The following FNBP1 variants were observed in gnomAD, a reference collection of about 807,000 sequenced individuals.
FNBP1 encodes formin-binding protein 1.
FNBP1 carries 26 observed loss-of-function variants against 90.6 expected under a neutral mutation model. The observed-to-expected ratio is 0.29, with a 90% CI of 0.21 to 0.40. The LOEUF is 0.40. FNBP1 is among the 10% of genes least tolerant of loss of function. The pLI, the probability that FNBP1 is intolerant of heterozygous loss-of-function variation, is 1.00. For synonymous variants in FNBP1, 260 were observed against 265.2 expected (o/e 0.98, Z 0.19); for missense variants, 635 against 768.0 (o/e 0.83, Z 2.05).
chr9:129,913,564 A>G (rs1003024064), intron 11 of FNBP1, among the ~76,000 whole-genome samples: 1 of 152,004 alleles, frequency 6.6e-6, no homozygotes, highest in African/African-American at 2.4e-5. Context: ...TGAGGTCAGG[A>G]GCTCGAGATT....
At chr9:129,915,900 C>T in intron 11 of FNBP1, 66 bp downstream of exon 11, 1 of 1,116,866 alleles carries the variant, frequency 9.0e-7, no homozygotes, top group East Asian at 2.3e-5. Flanking sequence ...CATGGCATAG[C>T]ATTCATAAAA....
In FNBP1 at chr9:130,042,744, C is replaced by T. The variant is rs1407146234; in HGVS notation, c.24+208G>A. 5.3e-5 allele frequency among the ~76,000 whole-genome samples: 8 copies of T among 151,778 alleles called. No individual in the cohort carries two copies. The highest frequency in any genetic ancestry group is 1.0e-4 in the Non-Finnish European group (7 of 67,888). On this transcript the variant is annotated intron_variant, in intron 1 of 16. Transcript: ENST00000446176. This position sits in a 1 kb window ranked among gnomAD's most constrained non-coding sequence, Gnocchi z 5.5. The stretch of plus-strand genomic sequence containing the variant: ...GCCGGGGACCCGCACCAACTCCCCT[C>T]GCCTCCGAAGGACAAGCCGGCCCGC...
rs551693772 is a variant in FNBP1 at position 129,966,037 on chromosome 9, G to C, written c.346-7484C>G. 1.3e-3 allele frequency among the ~76,000 whole-genome samples: 204 copies of C among 152,284 alleles called. 1 individual carries two copies. Among genetic ancestry groups the C allele is most frequent in the Admixed American group, 3.7e-3 (57 of 15,286 alleles). ...TCACTGACATGCCCACTTGTGAACA[G>C]GGCTGCTCCAGGCACGAGGAAAGCT... On this transcript the variant is annotated intron_variant, in intron 4 of 16. Coordinates refer to ENST00000446176, the MANE Select transcript of FNBP1 (RefSeq NM_015033.3). The surrounding 1 kb of genome is among the most constrained non-coding windows in gnomAD (Gnocchi z 4.3).
At chr9:130,008,535 C>T (rs1373039779) in intron 1 of FNBP1, among the ~76,000 whole-genome samples, 2 of 152,046 alleles carry the variant, frequency 1.3e-5, no homozygotes, top group East Asian at 1.9e-4. Context: ...GATGAAAGAT[C>T]GACGCTAATC....
At chr9:129,959,167 A>G (rs2047415719) in intron 4 of FNBP1, among the ~76,000 whole-genome samples, 7 of 151,388 alleles carry the variant, frequency 4.6e-5, no homozygotes, top group Admixed American at 4.0e-4. Flanking sequence ...CATGGTGGTG[A>G]GCACACCTGT....
intron 2 of FNBP1, among the ~76,000 whole-genome samples, chr9:129,985,633 T>C (rs1171722756): frequency 1.3e-5 from 2 of 151,946 alleles, no homozygotes; most frequent in African/African-American, 2.4e-5. Context: ...CTGGCCAACA[T>C]GGCAAGACCC....
At chr9:129,990,618 T>C (rs868699816) in intron 2 of FNBP1, among the ~76,000 whole-genome samples, 3 of 152,138 alleles carry the variant, frequency 2.0e-5, no homozygotes, top group South Asian at 2.1e-4. Flanking sequence ...GGTTTTTGGA[T>C]TTACTCTGAA....
intron 6 of FNBP1, among the ~76,000 whole-genome samples, chr9:129,950,301 T>C (rs2045972532): frequency 6.6e-6 from 1 of 152,230 alleles, no homozygotes; most frequent in Admixed American, 6.5e-5. Flanking sequence ...CTTCAATGTT[T>C]GTGATGCCAA....
intron 10 of FNBP1, among the ~76,000 whole-genome samples, chr9:129,918,845 A>AT (rs1011567782): frequency 2.0e-5 from 3 of 151,076 alleles, no homozygotes; most frequent in Admixed American, 6.6e-5. Flanking sequence ...CCCTTTAAAG[A>AT]TTTTACCAGA....
At chr9:129,902,386 C>T (rs1194389880) in intron 13 of FNBP1, among the ~76,000 whole-genome samples, 1 of 152,004 alleles carries the variant, frequency 6.6e-6, no homozygotes, top group Non-Finnish European at 1.5e-5. Context: ...TGGCTTAAGG[C>T]CAGGAGTTCA....
At chr9:129,965,184 G>C (rs372169049) in intron 4 of FNBP1, among the ~76,000 whole-genome samples, 315 of 152,258 alleles carry the variant, frequency 2.1e-3, no homozygotes, top group African/African-American at 7.3e-3. Context: ...CCTTAGTCCT[G>C]TTCAAGTGGG....
chr9:130,001,491 G>A (rs538468713), intron 1 of FNBP1, among the ~76,000 whole-genome samples: 28 of 152,298 alleles, frequency 1.8e-4, no homozygotes, highest in African/African-American at 6.7e-4. Context: ...TAATAAAATA[G>A]TTTTGACCTT....
chr9:129,953,209 G>A (rs1282806053), intron 6 of FNBP1, among the ~76,000 whole-genome samples: 1 of 152,188 alleles, frequency 6.6e-6, no homozygotes, highest in Non-Finnish European at 1.5e-5. Flanking sequence ...AATCTTGCCA[G>A]GTATGGTGGC....
chr9:129,972,809 G>C (rs578131098), intron 4 of FNBP1, among the ~76,000 whole-genome samples: 1 of 152,272 alleles, frequency 6.6e-6, no homozygotes, highest in African/African-American at 2.4e-5. Context: ...TGGGATTATA[G>C]GTGCTCCGTT....
chr9:129,888,726 G>A lies in FNBP1; in HGVS notation c.*1813C>T, dbSNP rs1465766898. The A allele has an allele frequency of 1.7e-5, 4 of 233,282 alleles. No individual in the cohort carries two copies. The East Asian group carries it at 2.4e-4, about 14-fold the overall frequency. The allele number at this position is 233,282 out of a possible 1,614,324, so 14.5% of individuals were successfully genotyped here. On this transcript the variant is annotated 3_prime_UTR_variant, in exon 17 of 17. Transcript: ENST00000446176. ...TCTGCGCTTGTGGTTTCTCGTCCCC[G>A]AGGGCTGACTGAGCTGCTCCGGAAG...
chr9:129,970,401 T>C (rs1264019528), intron 4 of FNBP1, among the ~76,000 whole-genome samples: 3 of 152,188 alleles, frequency 2.0e-5, no homozygotes, highest in East Asian at 1.9e-4. Context: ...AGACGGGGTT[T>C]CACCATGTTG....
chr9:129,960,992 AAGGCTGATATTTCTATG>A, intron 4 of FNBP1, among the ~76,000 whole-genome samples: 1 of 152,174 alleles, frequency 6.6e-6, no homozygotes, highest in African/African-American at 2.4e-5. Context: ...CACATGTGTT[AAGGCTGATATTTCTATG>A]AGACTCCCAA....
intron 3 of FNBP1, 97 bp from the exon 4 acceptor site, chr9:129,978,709 T>C (rs775421640): frequency 1.6e-6 from 2 of 1,239,302 alleles, no homozygotes; most frequent in South Asian, 1.5e-5. Context: ...ATCAGGTTAA[T>C]TGGCATCCAC....
At chr9:130,050,441 C>G in the FNBP1 span, among the ~76,000 whole-genome samples, 3 of 152,132 alleles carry the variant, frequency 2.0e-5, no homozygotes, top group Non-Finnish European at 4.4e-5. Flanking sequence ...TCCATGATCA[C>G]TTTCTACAAA....
Sources: gnomAD v4.1 joint callset for allele counts (sites outside exome capture counted in the v4.1 genomes callset) on GRCh38, gnomAD v4.1.1 for gene constraint, Gnocchi (gnomAD v3.1) non-coding constraint, MANE v1.5 for transcripts, NCBI Gene and HGNC (gene_info 2026-07-23, HGNC 2026-07-21) for gene names.